Variants in CCNG1 observed in about 807,000 individuals in gnomAD.
CCNG1 encodes the protein cyclin G1.
CCNG1 carries 13 observed loss-of-function variants against 30.0 expected under a neutral mutation model. The observed-to-expected ratio is 0.43, with a 90% CI of 0.28 to 0.69. CCNG1 has a LOEUF of 0.69. Among genes scored for constraint, CCNG1 ranks in the 30% least tolerant of loss-of-function variants. CCNG1 has a pLI of 0.16. For synonymous variants in CCNG1, 110 were observed against 121.5 expected, an observed-to-expected ratio of 0.91 and a Z score of 0.62; for missense variants, 285 against 331.4, an observed-to-expected ratio of 0.86 and a Z score of 1.09.
rs960754561 is a variant in CCNG1 at position 163,443,974 on chromosome 5, G to T, written c.*304G>T. On this transcript the variant is annotated 3_prime_UTR_variant, in exon 7 of 7. Transcript: ENST00000340828. Reference sequence around the variant, plus strand: ...ATCATTGATCTAACTTTAGATATTGGATCAATATATTTAGGTGGTATTGAA... The same window carrying T: ...ATCATTGATCTAACTTTAGATATTGTATCAATATATTTAGGTGGTATTGAA... 4.9e-6 allele frequency: 2 copies of T among 404,630 alleles called. No homozygotes were observed. The highest frequency in any genetic ancestry group is 2.0e-5 in the African/African-American group (1 of 49,314). The allele number at this position is 404,630 out of a possible 1,614,324, so 25.1% of individuals were successfully genotyped here.
chr5:163,442,516 G>T lies in CCNG1; in HGVS notation c.839G>T (p.Ser280Ile). The stretch of plus-strand genomic sequence containing the variant: ...CGTACTGCACGGCAATTGAAGCATA[G>T]CTACTACAGAATAACTCACCTTCCA... ...SGRTARQLKH[S>I]YYRITHLPTI... The change falls in exon 6 of 7, where the codon AGC becomes ATC. Residue 280 changes from serine to isoleucine, a missense_variant. Coordinates refer to ENST00000340828, the MANE Select transcript of CCNG1 (RefSeq NM_004060.4). 6.2e-7 allele frequency: 1 copy of T among 1,613,472 alleles called. No individual in the cohort carries two copies. The highest frequency in any genetic ancestry group is 8.5e-7 in the Non-Finnish European group (1 of 1,179,740).
At chr5:163,445,718 AAAGT>A (rs768811974), downstream of CCNG1, among the ~76,000 whole-genome samples, 1 of 142,320 alleles carries the variant, frequency 7.0e-6, no homozygotes, top group Non-Finnish European at 1.5e-5. Flanking sequence ...TCGTTCTCCC[AAAGT>A]GCTGAGATTA....
chr5:163,457,634 C>G, the CCNG1 span: 2 of 1,446,662 alleles, frequency 1.4e-6, no homozygotes, highest in East Asian at 2.3e-5. Context: ...ATATAAGGTG[C>G]TAAAAATACA....
At chr5:163,441,677 AT>A in intron 3 of CCNG1, 4 of 536,464 alleles carry the variant, frequency 7.5e-6, no homozygotes, top group Non-Finnish European at 6.6e-6. Flanking sequence ...ATTCATTTTA[AT>A]TTTTTGGCCC....
At chr5:163,451,461 G>C in the CCNG1 span, 1 of 152,100 alleles carries the variant, frequency 6.6e-6, no homozygotes, top group African/African-American at 2.4e-5. Context: ...TCTGACTGTG[G>C]AGGTGTTTAC....
rs1189470073 is a variant in CCNG1 at position 163,444,626 on chromosome 5, A to G, written c.*956A>G. On this transcript the variant is annotated 3_prime_UTR_variant, in exon 7 of 7. Coordinates refer to ENST00000340828, the MANE Select transcript of CCNG1 (RefSeq NM_004060.4). The stretch of plus-strand genomic sequence containing the variant: ...AACAAAAATCTTAAGAAAAGCAAGT[A>G]GACACCTTCATAACTATGAATGAAG... 6.6e-6 allele frequency: 1 copy of G among 152,666 alleles called. No homozygotes were observed. The highest frequency in any genetic ancestry group is 1.9e-4 in the East Asian group (1 of 5,204). 9.5% of individuals were successfully genotyped at this position (152,666 alleles called of 1,614,324 possible).
chr5:163,450,297 G>T (rs964462925), downstream of CCNG1: 2 of 152,084 alleles, frequency 1.3e-5, no homozygotes, highest in Admixed American at 1.3e-4. Context: ...ATGACCTGGG[G>T]TTAAGGTTCC....
At chr5:163,440,329 A>G (rs1757741746) in intron 2 of CCNG1, among the ~76,000 whole-genome samples, 1 of 152,206 alleles carries the variant, frequency 6.6e-6, no homozygotes, top group Non-Finnish European at 1.5e-5. Flanking sequence ...ATATACAGCT[A>G]TTCCTCAGGT....
chr5:163,442,297 G>C, intron 5 of CCNG1, 77 bp from the exon 6 acceptor site: 1 of 1,222,464 alleles, frequency 8.2e-7, no homozygotes, highest in East Asian at 2.4e-5. Context: ...ATGTTCATAG[G>C]ATTGCATTTA....
intron 5 of CCNG1, 60 bp from the exon 6 acceptor site, chr5:163,442,314 T>C (rs1757856998): frequency 7.7e-7 from 1 of 1,298,754 alleles, no homozygotes; most frequent in Non-Finnish European, 1.1e-6. Flanking sequence ...TTTATTAATG[T>C]AGTTAAATAA....
chr5:163,457,435 G>A, the CCNG1 span: 140 of 650,032 alleles, frequency 2.2e-4, 1 homozygote, highest in Middle Eastern at 3.6e-4. Flanking sequence ...GACATACAAC[G>A]GTTTTCAACA....
the CCNG1 span, chr5:163,456,867 A>C: frequency 2.7e-6 from 3 of 1,131,438 alleles, no homozygotes; most frequent in Non-Finnish European, 3.5e-6. Flanking sequence ...TTAATTTCAA[A>C]TATTTATTTG....
Position 163,439,335 on chromosome 5 carries a change from T to G in CCNG1, c.79T>G (p.Cys27Gly). The change falls in exon 2 of 7, where the codon TGT becomes GGT. Residue 27 changes from cysteine (C) to glycine (G), a missense_variant. Transcript: ENST00000340828. ...LNALLEQESR[C>G]QPKVCGLRLI... ...TGCCCTGTTGGAACAGGAGTCTAGA[T>G]GTCAGCCAAAGGTCTGTGGTTTGAG... The G allele has an allele frequency of 6.2e-7, 1 of 1,614,176 alleles. No individual in the cohort carries two copies. Among genetic ancestry groups the G allele is most frequent in the Non-Finnish European group, 8.5e-7 (1 of 1,180,018 alleles).
chr5:163,445,671 G>A (rs990591062), downstream of CCNG1, among the ~76,000 whole-genome samples: 10 of 127,050 alleles, frequency 7.9e-5, no homozygotes, highest in South Asian at 2.5e-4. Flanking sequence ...TTGCCCAGGC[G>A]GATCTCAAAC....
the CCNG1 span, chr5:163,451,812 G>A: frequency 6.6e-6 from 1 of 152,330 alleles, no homozygotes; most frequent in South Asian, 2.1e-4. Flanking sequence ...CCAGCAATTT[G>A]GGAGGCCCAG....
the CCNG1 span, chr5:163,453,808 T>C: frequency 4.7e-6 from 2 of 429,396 alleles, no homozygotes; most frequent in East Asian, 7.1e-5. Flanking sequence ...ACATTTCCTA[T>C]GTAAATTATG....
At chr5:163,440,938 T>C in intron 2 of CCNG1, 140 bp from the exon 3 acceptor site, 1 of 913,798 alleles carries the variant, frequency 1.1e-6, no homozygotes, top group African/African-American at 1.7e-5. Context: ...GAGTGGATTG[T>C]GTTAAGTCCA....
At chr5:163,445,613 C>T (rs1163292222), downstream of CCNG1, among the ~76,000 whole-genome samples, 1 of 73,480 alleles carries the variant, frequency 1.4e-5, no homozygotes, top group Non-Finnish European at 2.8e-5. Context: ...GCCACCGCAC[C>T]CAGCTAATTT....
chr5:163,449,473 G>A (rs1231773127), downstream of CCNG1: 8 of 152,114 alleles, frequency 5.3e-5, no homozygotes, highest in Non-Finnish European at 1.2e-4. Context: ...AAATGAAAGA[G>A]GTCCTAAATA....
Sources: allele counts gnomAD v4.1 joint callset (sites outside exome capture counted in the v4.1 genomes callset), GRCh38; gene constraint gnomAD v4.1.1; transcripts MANE v1.5; gene names NCBI Gene and HGNC (gene_info 2026-07-23, HGNC 2026-07-21).